SPINK5: variants seen among roughly 807,000 people sequenced by gnomAD.
The protein encoded by SPINK5 is serine peptidase inhibitor Kazal type 5, also known as serine protease inhibitor Kazal-type 5.
A neutral mutation model predicts 151.8 loss-of-function variants in SPINK5; 125 were observed. That is an observed-to-expected ratio of 0.82 (90% CI 0.71 to 0.96). SPINK5 has a LOEUF of 0.96. SPINK5 is among the 40% of genes least tolerant of loss of function. The pLI, the probability that SPINK5 is intolerant of heterozygous loss-of-function variation, is 0.00. For synonymous variants in SPINK5, 374 were observed against 395.3 expected, an observed-to-expected ratio of 0.95 and a Z score of 0.64; for missense variants, 1,194 against 1,291.9, an observed-to-expected ratio of 0.92 and a Z score of 1.16.
At chr5:148,122,001 A>AGTGTGT (rs35297940) in intron 26 of SPINK5, among the ~76,000 whole-genome samples, 5 of 148,508 alleles carry the variant, frequency 3.4e-5, no homozygotes, top group African/African-American at 1.2e-4. Context: ...ATTGTGTGTG[A>AGTGTGT]GTGTGTGTGT....
chr5:148,077,018 A>C (rs905557415), intron 4 of SPINK5, among the ~76,000 whole-genome samples: 2 of 151,586 alleles, frequency 1.3e-5, no homozygotes, highest in Non-Finnish European at 3.0e-5. Context: ...GAATACCACA[A>C]ATAGAGGTGA....
At chr5:148,127,719 A>G (rs568999537) in intron 30 of SPINK5, among the ~76,000 whole-genome samples, 32 of 152,104 alleles carry the variant, frequency 2.1e-4, no homozygotes, top group Admixed American at 3.9e-4. Context: ...TTAGCTGGGC[A>G]TGGTGCCTTG....
In SPINK5 at chr5:148,124,760, T is replaced by C; in HGVS notation, c.2667-5T>C. The stretch of plus-strand genomic sequence containing the variant: ...ACCCTATCTTTTTTTTTAATTATTC[T>C]GCAGTGATCGAGAAGCTAATGAAAG... On this transcript the variant is annotated splice_region_variant and splice_polypyrimidine_tract_variant and intron_variant, in intron 27 of 32. Coordinates refer to ENST00000256084, the MANE Select transcript of SPINK5 (RefSeq NM_006846.4). 2 of 1,594,624 alleles carry C rather than the reference T, an allele frequency of 1.3e-6. No individual in the cohort carries two copies. The highest frequency in any genetic ancestry group is 1.7e-6 in the Non-Finnish European group (2 of 1,169,696).
intron 20 of SPINK5, 81 bp from the exon 21 acceptor site, chr5:148,114,281 T>TTATA: frequency 6.9e-7 from 1 of 1,441,388 alleles, no homozygotes; most frequent in Non-Finnish European, 9.2e-7. Context: ...TTTTTTTTTT[T>TTATA]TCTATAAAGC....
chr5:148,076,458 T>C (rs1752883433), intron 4 of SPINK5, among the ~76,000 whole-genome samples: 1 of 151,818 alleles, frequency 6.6e-6, no homozygotes, highest in South Asian at 2.1e-4. Flanking sequence ...ACCTATATTA[T>C]CTAAAATGTT....
intron 28 of SPINK5, among the ~76,000 whole-genome samples, chr5:148,125,159 T>A (rs1397645888): frequency 6.6e-6 from 1 of 152,202 alleles, no homozygotes; most frequent in Non-Finnish European, 1.5e-5. Context: ...ACACTTTAAG[T>A]GTGAAACAAG....
Position 148,101,502 on chromosome 5 carries a change from G to T in SPINK5, c.1302+66G>T, listed in dbSNP as rs1212032006. The T allele has an allele frequency of 4.7e-6, 6 of 1,288,960 alleles. No individual in the cohort carries two copies. The African/African-American group carries it at 7.2e-5, about 16-fold the overall frequency. 79.8% of individuals were successfully genotyped at this position (1,288,960 alleles called of 1,614,324 possible). A position where few individuals can be genotyped will look rare whatever the true frequency, so the allele number is the denominator to read the frequency against. On this transcript the variant is annotated intron_variant, in intron 14 of 32. Transcript: ENST00000256084. ...TGAGGATCCACAGATCATGTTCAGG[G>T]AACACGTGCATTCCTTAAAACTGTA... is the stretch of plus-strand genomic sequence containing the variant.
intron 7 of SPINK5, 36 bp from the exon 8 acceptor site, chr5:148,091,129 G>T: frequency 6.4e-7 from 1 of 1,572,364 alleles, no homozygotes; most frequent in Middle Eastern, 1.7e-4. Context: ...ATATGATTGA[G>T]TCATAAACTG....
At position 148,119,011 on chromosome 5, in the gene SPINK5, G is replaced by C; in HGVS notation, c.2266G>C (p.Glu756Gln). The C allele has an allele frequency of 1.2e-6, 2 of 1,614,002 alleles. No homozygotes were observed. Among genetic ancestry groups the C allele is most frequent in the Non-Finnish European group, 1.7e-6 (2 of 1,179,956 alleles). Residue 756 changes from glutamate (E) to glutamine (Q), a missense_variant, in exon 24 of 33, where the codon GAG becomes CAG. Transcript: ENST00000256084. ...GGAAAGAGAAGCAGAGAGAAAAAATGAGTATTCTCGCTCCAGATCAAATGG... is the reference window on the plus strand; with the variant it reads ...GGAAAGAGAAGCAGAGAGAAAAAATCAGTATTCTCGCTCCAGATCAAATGG... ...KLEREAERKN[E>Q]YSRSRSNGTG...
At chr5:148,125,273 A>G (rs995334831) in intron 28 of SPINK5, among the ~76,000 whole-genome samples, 1 of 152,226 alleles carries the variant, frequency 6.6e-6, no homozygotes, top group African/African-American at 2.4e-5. Flanking sequence ...TGATTCTATC[A>G]GCATTAAAGA....
At chr5:148,135,091 A>T (rs1754664621) in intron 32 of SPINK5, among the ~76,000 whole-genome samples, 1 of 152,158 alleles carries the variant, frequency 6.6e-6, no homozygotes, top group Non-Finnish European at 1.5e-5. Context: ...TGTGGGCTTG[A>T]CAAAGTTATT....
At position 148,088,775 on chromosome 5, in the gene SPINK5, C is replaced by A. The variant is rs182285422; in HGVS notation, c.474+170C>A. ...CTAATATGAAAAAGCTAATTATAGT[C>A]TCTGAAACTGGATCAGATTACTTTG... On this transcript the variant is annotated intron_variant, in intron 6 of 32. Coordinates refer to ENST00000256084, the MANE Select transcript of SPINK5 (RefSeq NM_006846.4). 1.7e-3 allele frequency among the ~76,000 whole-genome samples: 250 copies of A among 151,168 alleles called. 2 individuals carry two copies. Among genetic ancestry groups the A allele is most frequent in the African/African-American group, 5.9e-3 (242 of 41,204 alleles).
intron 2 of SPINK5, among the ~76,000 whole-genome samples, chr5:148,069,042 A>C (rs1437377586): frequency 1.3e-5 from 2 of 151,936 alleles, no homozygotes; most frequent in Non-Finnish European, 2.9e-5. Context: ...TAGAGGTTGC[A>C]GTGAGCCAAG....
intron 5 of SPINK5, 93 bp downstream of exon 5, chr5:148,086,625 T>C (rs571766713): frequency 6.6e-7 from 1 of 1,513,360 alleles, no homozygotes; most frequent in South Asian, 1.2e-5. Context: ...AGCTAACGAT[T>C]CATTATGTGG....
intron 30 of SPINK5, among the ~76,000 whole-genome samples, chr5:148,127,531 A>G (rs934778691): frequency 1.3e-5 from 2 of 152,118 alleles, no homozygotes; most frequent in Non-Finnish European, 2.9e-5. Flanking sequence ...CCAATTAGCA[A>G]TTCGCAGTAG....
At chr5:148,122,903 A>AAAT (rs10699661) in intron 26 of SPINK5, among the ~76,000 whole-genome samples, 79,345 of 141,964 alleles carry the variant, frequency 0.56, 22,820 homozygotes, top group Admixed American at 0.64. Flanking sequence ...TGTGGTTGAG[A>AAAT]AATGAAGCTG....
intron 31 of SPINK5, among the ~76,000 whole-genome samples, chr5:148,131,884 G>T (rs1310607993): frequency 6.6e-6 from 1 of 152,066 alleles, no homozygotes; most frequent in Admixed American, 6.6e-5. Context: ...ACAAAAGAAA[G>T]CCCAATAAAT....
At chr5:148,074,596 T>C (rs56900521) in intron 4 of SPINK5, among the ~76,000 whole-genome samples, 7,951 of 151,866 alleles carry the variant, frequency 0.052, 680 homozygotes, top group African/African-American at 0.18. Context: ...TTGTTAAAGG[T>C]TGATGGGACC....
intron 4 of SPINK5, among the ~76,000 whole-genome samples, chr5:148,077,636 G>GATATATATATATATATATATAT (rs1581056845): frequency 3.0e-5 from 2 of 66,332 alleles, no homozygotes; most frequent in African/African-American, 1.4e-4. Flanking sequence ...TGTTTTATCA[G>GATATATATATATATATATATAT]GTATATATAT....
Sources: allele counts gnomAD v4.1 joint callset (sites outside exome capture counted in the v4.1 genomes callset), GRCh38; gene constraint gnomAD v4.1.1; transcripts MANE v1.5; gene names NCBI Gene and HGNC (gene_info 2026-07-23, HGNC 2026-07-21).